The following GLIS3 variants were observed in gnomAD, a reference collection of about 807,000 sequenced individuals.
GLIS3 encodes the protein GLIS family zinc finger 3.
GLIS3 carries 53 observed loss-of-function variants against 78.6 expected under a neutral mutation model. The observed-to-expected ratio is 0.67, with a 90% confidence interval of 0.54 to 0.85. The LOEUF is 0.85. Ranked by LOEUF, GLIS3 falls within the 40% of genes least tolerant of loss-of-function variation. The pLI, the probability that GLIS3 is intolerant of heterozygous loss-of-function variation, is 0.00. For missense variants in GLIS3, 1,703 were observed against 1,231.1 expected, an observed-to-expected ratio of 1.38 and a Z score of -5.74; for synonymous variants, 684 against 509.9, an observed-to-expected ratio of 1.34 and a Z score of -4.60.
intron 3 of GLIS3, 77 bp downstream of exon 3, chr9:4,125,657 T>TGTG: frequency 4.7e-5 from 46 of 969,806 alleles, no homozygotes; most frequent in Middle Eastern, 3.1e-4. Context: ...TGTGTGTGTA[T>TGTG]TCAGAAAGAG....
intron 2 of GLIS3, among the ~76,000 whole-genome samples, chr9:4,251,410 T>G (rs201744814): frequency 1.3e-5 from 2 of 150,376 alleles, no homozygotes; most frequent in East Asian, 4.0e-4. Flanking sequence ...TCTGTTTTAT[T>G]AGAGACTAGG....
intron 9 of GLIS3, among the ~76,000 whole-genome samples, chr9:3,832,310 G>C (rs1233758154): frequency 6.6e-6 from 1 of 151,572 alleles, no homozygotes. Context: ...AAAGTTTATT[G>C]AGGAAAATAA....
chr9:4,401,433 AT>A, the GLIS3 span, among the ~76,000 whole-genome samples: 19 of 142,698 alleles, frequency 1.3e-4, no homozygotes, highest in East Asian at 2.1e-4. Flanking sequence ...CTAATTTTGT[AT>A]TTTTTTTTTA....
intron 4 of GLIS3, among the ~76,000 whole-genome samples, chr9:4,000,256 T>C (rs1821039614): frequency 6.6e-6 from 1 of 152,178 alleles, no homozygotes; most frequent in South Asian, 2.1e-4. Context: ...TAGGATCCTA[T>C]TATATACACT....
chr9:3,945,436 T>C (rs536286983), intron 4 of GLIS3, among the ~76,000 whole-genome samples: 25 of 152,328 alleles, frequency 1.6e-4, no homozygotes, highest in African/African-American at 5.3e-4. Flanking sequence ...ATTGAGTTTC[T>C]TGCACAATGA....
chr9:4,220,733 G>GAA (rs1398667215), intron 2 of GLIS3, among the ~76,000 whole-genome samples: 1 of 132,496 alleles, frequency 7.5e-6, no homozygotes. Flanking sequence ...CCATTTCAAA[G>GAA]AAAAAAAAAA....
At chr9:4,042,055 C>T (rs1035962642) in intron 4 of GLIS3, among the ~76,000 whole-genome samples, 14 of 152,202 alleles carry the variant, frequency 9.2e-5, no homozygotes, top group African/African-American at 3.1e-4. Context: ...TCTCAAGCTA[C>T]AGGCCTCATC....
chr9:4,198,610 G>T (rs944754335), intron 2 of GLIS3, among the ~76,000 whole-genome samples: 1 of 152,110 alleles, frequency 6.6e-6, no homozygotes, highest in Non-Finnish European at 1.5e-5. Flanking sequence ...GAGAAGTGGA[G>T]AAAAAGAAAA....
chr9:3,871,528 A>G (rs1263679604), intron 8 of GLIS3, among the ~76,000 whole-genome samples: 4 of 152,046 alleles, frequency 2.6e-5, no homozygotes, highest in Non-Finnish European at 4.4e-5. Flanking sequence ...ACGTTCCCAA[A>G]CCTCAGTTCT....
rs565559827 is a variant in GLIS3, at chr9:4,054,832, C to T, written c.1710+62936G>A. On this transcript the variant is annotated intron_variant, in intron 4 of 10. Coordinates refer to ENST00000381971, the MANE Select transcript of GLIS3 (RefSeq NM_001042413.2). ...CACTTGAGAAACTGTCAGTTTTCCA[C>T]ATTTTGCCCCTTGAGATGCTTTACC... is the stretch of plus-strand genomic sequence containing the variant. Among the ~76,000 whole-genome samples, 225 of 152,122 alleles carry T rather than the reference C, an allele frequency of 1.5e-3. 4 individuals are homozygous for T. The highest frequency in any genetic ancestry group is 4.6e-3 in the African/African-American group (190 of 41,510).
intron 4 of GLIS3, among the ~76,000 whole-genome samples, chr9:4,095,400 T>C (rs117298147): frequency 1.0e-3 from 158 of 152,322 alleles, no homozygotes; most frequent in Non-Finnish European, 1.8e-3. Flanking sequence ...TACTATAACT[T>C]TGCCTTCACT....
At chr9:4,475,209 G>T in the GLIS3 span, among the ~76,000 whole-genome samples, 1 of 151,828 alleles carries the variant, frequency 6.6e-6, no homozygotes, top group Non-Finnish European at 1.5e-5. Context: ...AATGAGAAAG[G>T]GTATTTGAAA....
intron 2 of GLIS3, among the ~76,000 whole-genome samples, chr9:4,327,416 A>AG: frequency 6.6e-6 from 1 of 152,122 alleles, no homozygotes; most frequent in Non-Finnish European, 1.5e-5. Context: ...GAAATGTGGG[A>AG]GATCAGTTAG....
At chr9:4,246,865 T>G (rs1251650588) in intron 2 of GLIS3, among the ~76,000 whole-genome samples, 1 of 152,212 alleles carries the variant, frequency 6.6e-6, no homozygotes, top group Admixed American at 6.5e-5. Context: ...ATTTAATGAA[T>G]ATTGTCCAAT....
At chr9:4,415,806 T>C in the GLIS3 span, among the ~76,000 whole-genome samples, 1 of 152,020 alleles carries the variant, frequency 6.6e-6, no homozygotes, top group Non-Finnish European at 1.5e-5. Context: ...CTTTTCTTTT[T>C]TTTATTAATT....
At chr9:4,474,012 C>T in the GLIS3 span, among the ~76,000 whole-genome samples, 1 of 131,300 alleles carries the variant, frequency 7.6e-6, no homozygotes, top group East Asian at 2.0e-4. Context: ...GTAAAGATGT[C>T]AGTTCCCCCC....
At chr9:3,998,686 T>A (rs1244198547) in intron 4 of GLIS3, among the ~76,000 whole-genome samples, 1 of 151,216 alleles carries the variant, frequency 6.6e-6, no homozygotes, top group Non-Finnish European at 1.5e-5. Flanking sequence ...CAGTTAGAAT[T>A]CTTTTCTTTC....
chr9:4,260,702 T>C (rs1216020441), intron 2 of GLIS3, among the ~76,000 whole-genome samples: 9 of 151,890 alleles, frequency 5.9e-5, no homozygotes, highest in Non-Finnish European at 1.2e-4. Context: ...GCCGAGATCG[T>C]GCCACTGTAC....
intron 3 of GLIS3, among the ~76,000 whole-genome samples, 184 bp from the exon 4 acceptor site, chr9:4,119,065 A>T (rs1012168157): frequency 2.0e-5 from 3 of 152,232 alleles, no homozygotes; most frequent in African/African-American, 7.2e-5. Flanking sequence ...CAGGTAAATA[A>T]CATTTTACCA....
Sources: gnomAD v4.1 joint callset for allele counts (sites outside exome capture counted in the v4.1 genomes callset) on GRCh38, gnomAD v4.1.1 for gene constraint, MANE v1.5 for transcripts, NCBI Gene and HGNC (gene_info 2026-07-23, HGNC 2026-07-21) for gene names.